Variants in CERS6 observed in about 807,000 individuals in gnomAD.
CERS6 encodes the protein LAG1 homolog, ceramide synthase 6.
A neutral mutation model predicts 56.8 loss-of-function variants in CERS6; 26 were observed. That is an observed-to-expected ratio of 0.46 (90% CI 0.34 to 0.63). CERS6 has a LOEUF of 0.63. Among genes scored for constraint, CERS6 ranks in the 30% least tolerant of loss-of-function variants. CERS6 has a pLI of 0.01. For missense variants in CERS6, 415 were observed against 467.5 expected (o/e 0.89, Z 1.04); for synonymous variants, 164 against 173.3 (o/e 0.95, Z 0.42).
In CERS6 at chr2:168,721,130, C is replaced by T. The variant is rs186135544; in HGVS notation, c.845+3152C>T. ...CTCCTCATTCTTCCCTCGTACCATC[C>T]CCTGGCAACCACTAACCTGCTTGCT... On this transcript the variant is annotated intron_variant, in intron 8 of 9. Transcript: ENST00000305747. Among the ~76,000 whole-genome samples, 393 of 152,274 alleles carry T rather than the reference C, an allele frequency of 2.6e-3. 3 individuals are homozygous for T. Among genetic ancestry groups the T allele is most frequent in the Non-Finnish European group, 3.5e-3 (237 of 68,032 alleles).
chr2:168,479,642 C>T (rs1365539325), intron 1 of CERS6, among the ~76,000 whole-genome samples: 7 of 152,034 alleles, frequency 4.6e-5, no homozygotes, highest in Non-Finnish European at 1.0e-4. Flanking sequence ...GAGTTTTGCT[C>T]TTGTTGCCCA....
intron 3 of CERS6, among the ~76,000 whole-genome samples, chr2:168,576,975 G>C (rs761093178): frequency 6.6e-6 from 1 of 152,140 alleles, no homozygotes; most frequent in Non-Finnish European, 1.5e-5. Flanking sequence ...GAGAAGTCCA[G>C]GATTTTGATT....
intron 1 of CERS6, among the ~76,000 whole-genome samples, chr2:168,468,333 C>T (rs1204841195): frequency 1.3e-5 from 2 of 152,158 alleles, no homozygotes; most frequent in Non-Finnish European, 2.9e-5. Context: ...TTATTGCACG[C>T]AGTCTCAAGG....
At chr2:168,610,497 G>C (rs559273248) in intron 3 of CERS6, among the ~76,000 whole-genome samples, 92 of 152,270 alleles carry the variant, frequency 6.0e-4, no homozygotes, top group Middle Eastern at 3.4e-3. Flanking sequence ...ATAACAAATA[G>C]AATGTATTTG....
intron 3 of CERS6, among the ~76,000 whole-genome samples, chr2:168,584,634 G>T (rs553455242): frequency 6.6e-6 from 1 of 152,278 alleles, no homozygotes; most frequent in South Asian, 2.1e-4. Flanking sequence ...TAATAGTGGG[G>T]CACCAATTAC....
At chr2:168,575,351 T>TA (rs1407440683) in intron 3 of CERS6, among the ~76,000 whole-genome samples, 1 of 152,022 alleles carries the variant, frequency 6.6e-6, no homozygotes, top group African/African-American at 2.4e-5. Flanking sequence ...TTAGGAAACT[T>TA]ACAATCATGG....
chr2:168,676,777 A>G (rs1305530788), intron 4 of CERS6, among the ~76,000 whole-genome samples: 1 of 152,224 alleles, frequency 6.6e-6, no homozygotes, highest in Non-Finnish European at 1.5e-5. Flanking sequence ...CTGCATGTGT[A>G]CTTCTCATTC....
intron 3 of CERS6, among the ~76,000 whole-genome samples, chr2:168,582,536 A>G (rs1469237292): frequency 6.6e-6 from 1 of 152,182 alleles, no homozygotes; most frequent in Non-Finnish European, 1.5e-5. Context: ...GGAAGTATTA[A>G]TAAGACCTTA....
chr2:168,459,677 T>C (rs1558957398), intron 1 of CERS6, among the ~76,000 whole-genome samples: 1 of 152,088 alleles, frequency 6.6e-6, no homozygotes, highest in East Asian at 1.9e-4. Flanking sequence ...AGAATAAAAA[T>C]TGTATACCAT....
At chr2:168,658,283 T>A (rs547578125) in intron 4 of CERS6, among the ~76,000 whole-genome samples, 1 of 152,158 alleles carries the variant, frequency 6.6e-6, no homozygotes, top group African/African-American at 2.4e-5. Flanking sequence ...TCTTTTAGGG[T>A]CCTTGACGAG....
At chr2:168,458,023 C>T (rs897023965) in intron 1 of CERS6, among the ~76,000 whole-genome samples, 2 of 152,060 alleles carry the variant, frequency 1.3e-5, no homozygotes, top group Admixed American at 6.5e-5. Flanking sequence ...TCAAAAAAGT[C>T]ACAGCAGTGC....
intron 4 of CERS6, among the ~76,000 whole-genome samples, chr2:168,648,232 C>T (rs1279872734): frequency 1.3e-5 from 2 of 151,976 alleles, no homozygotes; most frequent in Non-Finnish European, 2.9e-5. Flanking sequence ...GAGTTTCTTT[C>T]TAGTTCAGTC....
chr2:168,549,655 A>G (rs1695530533), intron 2 of CERS6, among the ~76,000 whole-genome samples: 1 of 152,174 alleles, frequency 6.6e-6, no homozygotes, highest in Non-Finnish European at 1.5e-5. Flanking sequence ...ACAAACAAAA[A>G]CAAATACTTG....
rs910510764 is a variant in CERS6, at chr2:168,515,749, A to G, written c.171-31847A>G. On this transcript the variant is annotated intron_variant, in intron 1 of 9. Coordinates refer to ENST00000305747, the MANE Select transcript of CERS6 (RefSeq NM_203463.3). ...AACTTGCTTGTGAAATTGGGCTACT[A>G]TTTTTGAAAGTACTTGTTGTGCCAA... Among the ~76,000 whole-genome samples the G allele has an allele frequency of 9.9e-5, 15 of 152,190 alleles. 1 individual carries two copies. Among genetic ancestry groups the G allele is most frequent in the Admixed American group, 5.2e-4 (8 of 15,286 alleles).
At chr2:168,713,885 C>A (rs1198638791) in intron 6 of CERS6, among the ~76,000 whole-genome samples, 1 of 152,136 alleles carries the variant, frequency 6.6e-6, no homozygotes, top group African/African-American at 2.4e-5. Context: ...AGGATGCTAA[C>A]ACCGAGATGC....
chr2:168,551,551 C>T (rs1212533547), intron 2 of CERS6, among the ~76,000 whole-genome samples: 3 of 151,942 alleles, frequency 2.0e-5, no homozygotes, highest in Non-Finnish European at 2.9e-5. Context: ...AATCATGAAG[C>T]TCATTTGTAA....
At chr2:168,460,981 C>CGAGAGA (rs145858084) in intron 1 of CERS6, among the ~76,000 whole-genome samples, 1 of 150,270 alleles carries the variant, frequency 6.7e-6, no homozygotes, top group Non-Finnish European at 1.5e-5. Flanking sequence ...GTTGAGAGAG[C>CGAGAGA]GAGAGAGAGA....
At chr2:168,470,976 C>T (rs543731595) in intron 1 of CERS6, among the ~76,000 whole-genome samples, 1 of 151,348 alleles carries the variant, frequency 6.6e-6, no homozygotes, top group East Asian at 1.9e-4. Flanking sequence ...CAGAGGCAGG[C>T]GTTAGCTGTG....
chr2:168,630,946 T>C lies in CERS6; in HGVS notation c.408-39T>C, dbSNP rs762068001. The C allele has an allele frequency of 1.1e-5, 11 of 1,038,058 alleles. No individual in the cohort carries two copies. The South Asian group carries it at 1.3e-4, about 12-fold the overall frequency. The allele number at this position is 1,038,058 out of a possible 1,614,324, so 64.3% of individuals were successfully genotyped here. A position where few individuals can be genotyped will look rare whatever the true frequency, so the allele number is the denominator to read the frequency against. ...TATTTCAGTATATGCTGTGAATATA[T>C]AAACTGAATGTCACAGATTTTTTTT... On this transcript the variant is annotated intron_variant, in intron 3 of 9. Transcript: ENST00000305747.
Sources: allele counts gnomAD v4.1 joint callset (sites outside exome capture counted in the v4.1 genomes callset), GRCh38; gene constraint gnomAD v4.1.1; transcripts MANE v1.5; gene names NCBI Gene and HGNC (gene_info 2026-07-23, HGNC 2026-07-21).